The following NINJ2 variants were observed in gnomAD, a reference collection of about 807,000 sequenced individuals.
NINJ2 encodes the protein ninjurin 2, also known as ninjurin-2.
Under a neutral mutation model 11.7 loss-of-function variants are expected in NINJ2, and 12 were observed. That is an observed-to-expected ratio of 1.02 (90% CI 0.66 to 1.66). The LOEUF (loss-of-function observed/expected upper bound fraction) is 1.66, where lower values mean the gene tolerates loss of function less well. NINJ2 is among the 40% of genes most tolerant of loss of function. The pLI is 0.00. For synonymous variants in NINJ2, 93 were observed against 76.8 expected (o/e 1.21, Z -1.10); for missense variants, 187 against 181.8 (o/e 1.03, Z -0.16).
intron 1 of NINJ2, among the ~76,000 whole-genome samples, chr12:625,148 T>C (rs1197236071): frequency 6.6e-6 from 1 of 151,614 alleles, no homozygotes; most frequent in East Asian, 1.9e-4. Flanking sequence ...ATAGATATAT[T>C]TGCCCTAGCT....
chr12:613,941 T>A (rs548937953), intron 1 of NINJ2, among the ~76,000 whole-genome samples: 1 of 151,986 alleles, frequency 6.6e-6, no homozygotes, highest in South Asian at 2.1e-4. Flanking sequence ...AATAAATTAA[T>A]TAATTAATTA....
chr12:620,682 T>A lies in NINJ2; in HGVS notation c.33+42646A>T, dbSNP rs536734435. On this transcript the variant is annotated intron_variant, in intron 1 of 3. Transcript: ENST00000305108. ...TCTTACTCTGTCACCCAGGCTGGAG[T>A]GCAGTGGCGCAATCTTGGCTCACTG... 2.5e-4 allele frequency among the ~76,000 whole-genome samples: 38 copies of A among 152,286 alleles called. No individual in the cohort carries two copies. In the South Asian group the frequency reaches 7.7e-3, roughly 31 times the overall value.
chr12:566,883 C>A (rs541953776), intron 1 of NINJ2, among the ~76,000 whole-genome samples: 15 of 152,296 alleles, frequency 9.8e-5, no homozygotes, highest in African/African-American at 3.4e-4. Flanking sequence ...CTCCAGAAGC[C>A]ACTAACTCCA....
intron 1 of NINJ2, chr12:645,325 G>T (rs2120508657): frequency 6.6e-6 from 1 of 152,214 alleles, no homozygotes; most frequent in South Asian, 2.1e-4. Context: ...GGTAACACGA[G>T]CATAATCGAT....
In NINJ2 at chr12:585,802, T is replaced by C. The variant is rs1163377122; in HGVS notation, c.34-19624A>G. ...GGAATAGCTCAGACGGAGTTTGTGATTAATTACGGGAATGGGTGCCAAGTG... is the reference window on the plus strand; with the variant it reads ...GGAATAGCTCAGACGGAGTTTGTGACTAATTACGGGAATGGGTGCCAAGTG... On this transcript the variant is annotated intron_variant, in intron 1 of 3. Transcript: ENST00000305108. The surrounding 1 kb of genome is among the most constrained non-coding windows in gnomAD (Gnocchi z 4.1). 1 of 152,272 alleles carries C rather than the reference T, an allele frequency of 6.6e-6. No homozygotes were observed. The highest frequency in any genetic ancestry group is 1.5e-5 in the Non-Finnish European group (1 of 68,100). The allele number at this position is 152,272 out of a possible 1,614,324, so 9.4% of individuals were successfully genotyped here.
intron 2 of NINJ2, 83 bp from the exon 3 acceptor site, chr12:565,484 G>A: frequency 1.4e-6 from 2 of 1,399,888 alleles, no homozygotes; most frequent in Non-Finnish European, 2.0e-6. Flanking sequence ...CCAGAGTTTG[G>A]AGAGAGGGGC....
At chr12:570,706 C>G (rs1446848280) in intron 1 of NINJ2, among the ~76,000 whole-genome samples, 1 of 152,148 alleles carries the variant, frequency 6.6e-6, no homozygotes, top group Non-Finnish European at 1.5e-5. Flanking sequence ...TCTGCGCCCT[C>G]CCTGCAGAGC....
chr12:646,656 C>T (rs866265935), intron 1 of NINJ2, among the ~76,000 whole-genome samples: 7 of 152,130 alleles, frequency 4.6e-5, no homozygotes, highest in Non-Finnish European at 7.4e-5. Flanking sequence ...TAACACTGGG[C>T]GGTCACATTT....
chr12:640,682 A>T lies in NINJ2; in HGVS notation c.33+22646T>A, dbSNP rs1948406971. ...GCTAATATCTGTATTTTTAGTAGAG[A>T]CCCTGTCTCTTCACTATGTCGTCCA... On this transcript the variant is annotated intron_variant, in intron 1 of 3. Transcript: ENST00000305108. This position sits in a 1 kb window ranked among gnomAD's most constrained non-coding sequence, Gnocchi z 4.0. 6.6e-6 allele frequency among the ~76,000 whole-genome samples: 1 copy of T among 151,722 alleles called. No homozygotes were observed. Among genetic ancestry groups the T allele is most frequent in the Non-Finnish European group, 1.5e-5 (1 of 67,976 alleles).
intron 1 of NINJ2, among the ~76,000 whole-genome samples, chr12:597,749 T>C (rs1947807678): frequency 6.6e-6 from 1 of 152,188 alleles, no homozygotes; most frequent in African/African-American, 2.4e-5. Context: ...AATGTATTAG[T>C]GGGAGTTACC....
intron 1 of NINJ2, among the ~76,000 whole-genome samples, chr12:612,313 G>T (rs951869644): frequency 1.3e-5 from 2 of 152,168 alleles, no homozygotes; most frequent in Non-Finnish European, 2.9e-5. Flanking sequence ...ACTCTGTGGG[G>T]TGTCGGGGCA....
chr12:638,165 C>G (rs1366966747), intron 1 of NINJ2, among the ~76,000 whole-genome samples: 1 of 152,222 alleles, frequency 6.6e-6, no homozygotes, highest in Non-Finnish European at 1.5e-5. Flanking sequence ...CTGCTGCATT[C>G]CACCTCCTGC....
At chr12:594,458 C>A (rs1947757173) in intron 1 of NINJ2, among the ~76,000 whole-genome samples, 1 of 152,032 alleles carries the variant, frequency 6.6e-6, no homozygotes, top group Non-Finnish European at 1.5e-5. Flanking sequence ...ATTACAAGAT[C>A]TATGTGAGGA....
chr12:648,937 G>A (rs1461594137), intron 1 of NINJ2, among the ~76,000 whole-genome samples: 1 of 151,510 alleles, frequency 6.6e-6, no homozygotes, highest in African/African-American at 2.4e-5. Flanking sequence ...TTCATCCTTT[G>A]CAGCTCATTC....
At chr12:616,905 C>T (rs1948097705) in intron 1 of NINJ2, among the ~76,000 whole-genome samples, 3 of 152,150 alleles carry the variant, frequency 2.0e-5, no homozygotes, top group Non-Finnish European at 2.9e-5. Flanking sequence ...GCCTCCAGTT[C>T]TTTAAAAAAA....
At chr12:573,003 T>C (rs1234625874) in intron 1 of NINJ2, among the ~76,000 whole-genome samples, 3 of 144,256 alleles carry the variant, frequency 2.1e-5, no homozygotes, top group African/African-American at 2.6e-5. Flanking sequence ...ATTACAGGTG[T>C]GTGCCACCAC....
intron 1 of NINJ2, among the ~76,000 whole-genome samples, chr12:621,685 C>T (rs1273741400): frequency 4.0e-5 from 6 of 151,622 alleles, no homozygotes; most frequent in East Asian, 1.9e-4. Flanking sequence ...GGCATAGTGG[C>T]GTGTGCCTGT....
intron 1 of NINJ2, among the ~76,000 whole-genome samples, chr12:656,205 A>C (rs1467595364): frequency 6.6e-6 from 1 of 151,698 alleles, no homozygotes; most frequent in African/African-American, 2.4e-5. Context: ...TCTACTAAAA[A>C]TACAAAAAAT....
intron 1 of NINJ2, among the ~76,000 whole-genome samples, chr12:621,418 C>T (rs1948150488): frequency 6.7e-6 from 1 of 150,158 alleles, no homozygotes. Flanking sequence ...TGCACCACTG[C>T]ACTCCACCCT....
Sources: allele counts gnomAD v4.1 joint callset (sites outside exome capture counted in the v4.1 genomes callset), GRCh38; gene constraint gnomAD v4.1.1; non-coding constraint Gnocchi (gnomAD v3.1); transcripts MANE v1.5; gene names NCBI Gene and HGNC (gene_info 2026-07-23, HGNC 2026-07-21).